Variants in SORCS1 observed in about 807,000 individuals in gnomAD.
SORCS1 encodes sortilin related VPS10 domain containing receptor 1.
In SORCS1, 60 loss-of-function variants were observed where a neutral mutation model predicts 146.1. The ratio of observed to expected loss-of-function variants is 0.41; its 90% CI spans 0.33 to 0.51. The LOEUF (loss-of-function observed/expected upper bound fraction) is 0.51, where lower values mean the gene tolerates loss of function less well. SORCS1 is among the 20% of genes least tolerant of loss of function. SORCS1 has a pLI of 0.21. For synonymous variants in SORCS1, 637 were observed against 584.0 expected (o/e 1.09, Z -1.31); for missense variants, 1,352 against 1,487.6 (o/e 0.91, Z 1.50).
intron 20 of SORCS1, among the ~76,000 whole-genome samples, chr10:106,619,381 G>A (rs528371820): frequency 6.6e-6 from 1 of 152,326 alleles, no homozygotes; most frequent in South Asian, 2.1e-4. Context: ...TCCTGGGCCT[G>A]TGCAAAATTA....
chr10:106,668,725 C>T (rs1376673348), intron 16 of SORCS1, among the ~76,000 whole-genome samples: 1 of 152,152 alleles, frequency 6.6e-6, no homozygotes, highest in East Asian at 1.9e-4. Context: ...CACATACCAG[C>T]AGGATTTGGT....
At chr10:106,951,506 C>T (rs1407489980) in intron 2 of SORCS1, among the ~76,000 whole-genome samples, 9 of 128,960 alleles carry the variant, frequency 7.0e-5, no homozygotes, top group Non-Finnish European at 1.2e-4. Context: ...AGCAAGACTC[C>T]GTCTCTGAAA....
chr10:106,764,477 T>C (rs1437219677), intron 4 of SORCS1, among the ~76,000 whole-genome samples: 1 of 152,190 alleles, frequency 6.6e-6, no homozygotes, highest in Non-Finnish European at 1.5e-5. Flanking sequence ...ATAAAATTCA[T>C]AGTGTTGGCA....
chr10:107,057,021 T>C (rs1473984086), intron 1 of SORCS1, among the ~76,000 whole-genome samples: 4 of 152,204 alleles, frequency 2.6e-5, no homozygotes, highest in Non-Finnish European at 5.9e-5. Flanking sequence ...CAGTTCCCGC[T>C]TTCTAAATCC....
At chr10:106,610,765 ACTC>A (rs1419311754) in intron 22 of SORCS1, among the ~76,000 whole-genome samples, 4 of 151,698 alleles carry the variant, frequency 2.6e-5, no homozygotes, top group African/African-American at 7.3e-5. Context: ...CGGCTATCCC[ACTC>A]CTCTGCTCAC....
intron 13 of SORCS1, among the ~76,000 whole-genome samples, chr10:106,676,005 T>C (rs902407995): frequency 6.6e-6 from 1 of 152,210 alleles, no homozygotes; most frequent in African/African-American, 2.4e-5. Context: ...TTCCGTTGTT[T>C]ATAAGCCACC....
chr10:107,082,355 A>T (rs1488584065), intron 1 of SORCS1, among the ~76,000 whole-genome samples: 1 of 151,978 alleles, frequency 6.6e-6, no homozygotes, highest in Non-Finnish European at 1.5e-5. Context: ...GTTTTTTGTT[A>T]TTGGTGTTTA....
rs1957566556 is a variant in SORCS1, at chr10:107,008,877, G to A, written c.559-52297C>T. On this transcript the variant is annotated intron_variant, in intron 1 of 25. Transcript: ENST00000263054. ...CTGGGCATGGTGGCGGGTGCCTGTC[G>A]TCCCAGTTGCTCGGGCTGCTCAGGC... Among the ~76,000 whole-genome samples the A allele has an allele frequency of 2.0e-5, 3 of 152,302 alleles. 1 individual carries two copies.
intron 2 of SORCS1, among the ~76,000 whole-genome samples, chr10:106,843,172 C>G (rs1222063792): frequency 2.0e-5 from 3 of 152,080 alleles, no homozygotes; most frequent in African/African-American, 7.2e-5. Flanking sequence ...ACTAGAGTTA[C>G]TATGTTGTAA....
intron 2 of SORCS1, among the ~76,000 whole-genome samples, chr10:106,899,986 T>A (rs1248873913): frequency 6.6e-6 from 1 of 152,062 alleles, no homozygotes; most frequent in Non-Finnish European, 1.5e-5. Flanking sequence ...TTTTCCTCCA[T>A]GAGATGTCCA....
chr10:106,959,826 C>T (rs1272404327), intron 1 of SORCS1, among the ~76,000 whole-genome samples: 2 of 152,112 alleles, frequency 1.3e-5, no homozygotes, highest in African/African-American at 4.8e-5. Context: ...TGGAACTTTT[C>T]AATTAAGTGA....
chr10:107,165,284 C>CGTGTGTGTGTGTGT (rs1424930240), upstream of SORCS1, among the ~76,000 whole-genome samples: 2 of 73,036 alleles, frequency 2.7e-5, no homozygotes, highest in Middle Eastern at 6.3e-3. The surrounding 1 kb of genome is among the most constrained non-coding windows in gnomAD (Gnocchi z 4.0). Context: ...TAAATGATCT[C>CGTGTGTGTGTGTGT]GTGTGTGAGT....
intron 1 of SORCS1, among the ~76,000 whole-genome samples, chr10:106,986,774 T>C (rs896110195): frequency 2.0e-5 from 3 of 152,218 alleles, no homozygotes; most frequent in African/African-American, 7.2e-5. Flanking sequence ...ATAAATATTT[T>C]CATTTTAGAT....
At chr10:106,625,070 A>G (rs1848007791) in intron 19 of SORCS1, among the ~76,000 whole-genome samples, 1 of 152,174 alleles carries the variant, frequency 6.6e-6, no homozygotes, top group Non-Finnish European at 1.5e-5. Context: ...TTCCATATGA[A>G]TCTTCCTGGA....
intron 1 of SORCS1, among the ~76,000 whole-genome samples, chr10:107,124,833 C>T (rs1224940611): frequency 6.6e-6 from 1 of 152,144 alleles, no homozygotes; most frequent in African/African-American, 2.4e-5. Flanking sequence ...CAGACAGCAT[C>T]TCTCCAATTT....
At chr10:106,806,722 A>G (rs1178536995) in intron 3 of SORCS1, among the ~76,000 whole-genome samples, 4 of 151,792 alleles carry the variant, frequency 2.6e-5, no homozygotes, top group African/African-American at 9.7e-5. Flanking sequence ...TCACCATGTT[A>G]GCCAGGATGG....
At chr10:106,764,957 A>G (rs151120164) in intron 4 of SORCS1, among the ~76,000 whole-genome samples, 1 of 139,228 alleles carries the variant, frequency 7.2e-6, no homozygotes, top group East Asian at 2.3e-4. Flanking sequence ...TGGGATGTGG[A>G]GCTTGCAGTG....
intron 2 of SORCS1, among the ~76,000 whole-genome samples, chr10:106,881,158 G>C (rs1161082038): frequency 2.0e-5 from 3 of 151,848 alleles, no homozygotes; most frequent in African/African-American, 7.3e-5. Context: ...GAACAGAGAG[G>C]TTATGCGGTC....
intron 2 of SORCS1, among the ~76,000 whole-genome samples, chr10:106,952,542 A>ATATTATATTATAT (rs1954734184): frequency 9.1e-5 from 13 of 143,046 alleles, no homozygotes; most frequent in African/African-American, 3.3e-4. Flanking sequence ...ATGACACATT[A>ATATTATATTATAT]TATATTATAT....
Sources: allele counts gnomAD v4.1 joint callset (sites outside exome capture counted in the v4.1 genomes callset), GRCh38; gene constraint gnomAD v4.1.1; non-coding constraint Gnocchi (gnomAD v3.1); transcripts MANE v1.5; gene names NCBI Gene and HGNC (gene_info 2026-07-23, HGNC 2026-07-21).